Variants in ANKS1B observed in about 807,000 individuals in gnomAD.
The protein encoded by ANKS1B is ankyrin repeat and sterile alpha motif domain containing 1B.
ANKS1B carries 36 observed loss-of-function variants against 148.3 expected under a neutral mutation model. That is an observed-to-expected ratio of 0.24 (90% CI 0.19 to 0.32). ANKS1B has a LOEUF of 0.32. Ranked by LOEUF, ANKS1B falls within the 10% of genes least tolerant of loss-of-function variation. The pLI is 1.00. For synonymous variants in ANKS1B, 542 were observed against 560.8 expected (o/e 0.97, Z 0.47); for missense variants, 1,157 against 1,542.6 (o/e 0.75, Z 4.19).
intron 8 of ANKS1B, among the ~76,000 whole-genome samples, chr12:99,660,378 T>TG (rs2098471075): frequency 2.7e-5 from 4 of 149,672 alleles, no homozygotes; most frequent in Admixed American, 2.7e-4. Context: ...TTTTTTTTTT[T>TG]TTTGAGGTGG....
chr12:99,782,755 C>A (rs1365758906), intron 4 of ANKS1B, among the ~76,000 whole-genome samples: 1 of 152,114 alleles, frequency 6.6e-6, no homozygotes, highest in Non-Finnish European at 1.5e-5. Flanking sequence ...GATGGATATT[C>A]TGAGGTATGG....
At chr12:99,946,887 C>T (rs570521358) in intron 1 of ANKS1B, among the ~76,000 whole-genome samples, 1 of 152,270 alleles carries the variant, frequency 6.6e-6, no homozygotes, top group African/African-American at 2.4e-5. Flanking sequence ...CAACAATCTG[C>T]AACATGCAGA....
chr12:99,301,222 G>A (rs2081555390), intron 12 of ANKS1B, among the ~76,000 whole-genome samples: 1 of 152,172 alleles, frequency 6.6e-6, no homozygotes, highest in Non-Finnish European at 1.5e-5. Flanking sequence ...ACTGGTGAGG[G>A]CAGATTGTCT....
chr12:98,861,055 G>C (rs1218116605), intron 17 of ANKS1B, among the ~76,000 whole-genome samples: 1 of 152,130 alleles, frequency 6.6e-6, no homozygotes, highest in East Asian at 1.9e-4. Context: ...TAAAATGAAA[G>C]ACTCAAAAAT....
intron 12 of ANKS1B, among the ~76,000 whole-genome samples, chr12:99,393,067 A>G (rs2094128689): frequency 1.3e-5 from 2 of 151,600 alleles, no homozygotes; most frequent in African/African-American, 4.9e-5. Flanking sequence ...ATATATGTAG[A>G]TAGATTGATA....
At chr12:99,769,350 G>C (rs1401088783) in intron 8 of ANKS1B, among the ~76,000 whole-genome samples, 4 of 152,110 alleles carry the variant, frequency 2.6e-5, no homozygotes, top group Non-Finnish European at 5.9e-5. Context: ...GTCTGGACTG[G>C]TATCTGAGGG....
intron 17 of ANKS1B, among the ~76,000 whole-genome samples, chr12:98,960,216 G>A (rs918397207): frequency 2.0e-5 from 3 of 152,196 alleles, no homozygotes; most frequent in Non-Finnish European, 4.4e-5. Flanking sequence ...ACCTAGCACA[G>A]TCCCAAGGGC....
chr12:98,893,353 G>A (rs1371898630), intron 17 of ANKS1B, among the ~76,000 whole-genome samples: 1 of 152,152 alleles, frequency 6.6e-6, no homozygotes, highest in Non-Finnish European at 1.5e-5. Context: ...GATACCAGCG[G>A]CATCCCCTTG....
chr12:98,922,799 C>T (rs1023225971), intron 17 of ANKS1B, among the ~76,000 whole-genome samples: 1 of 152,072 alleles, frequency 6.6e-6, no homozygotes, highest in African/African-American at 2.4e-5. Flanking sequence ...GTGCCTGGCT[C>T]TTAAGGGCTT....
At position 98,745,399 on chromosome 12, in the gene ANKS1B, T is replaced by TA; in HGVS notation, c.*339dup. 1 of 919,326 alleles carries TA rather than the reference T, an allele frequency of 1.1e-6. No individual in the cohort carries two copies. Among genetic ancestry groups the TA allele is most frequent in the Non-Finnish European group, 1.3e-6 (1 of 782,534 alleles). 56.9% of individuals were successfully genotyped at this position (919,326 alleles called of 1,614,324 possible). On this transcript the variant is annotated 3_prime_UTR_variant, in exon 27 of 27. Transcript: ENST00000683438. ...ACTTTTTTTTTTTTTTTTTTTTTTT[T>TA]AAAGAAAAGGTATTATTTTCCCCAA... is the stretch of plus-strand genomic sequence containing the variant.
At chr12:99,438,078 A>G (rs1229068091) in intron 11 of ANKS1B, among the ~76,000 whole-genome samples, 4 of 151,692 alleles carry the variant, frequency 2.6e-5, no homozygotes, top group African/African-American at 7.3e-5. Flanking sequence ...TTTTCTTTAT[A>G]TCCACAGTAA....
chr12:99,699,010 T>C (rs1043359231), intron 8 of ANKS1B, among the ~76,000 whole-genome samples: 1 of 152,068 alleles, frequency 6.6e-6, no homozygotes, highest in Non-Finnish European at 1.5e-5. Context: ...GTGCGTGCTC[T>C]TTATTAGCTC....
At chr12:99,025,080 A>G (rs2099947990) in intron 17 of ANKS1B, among the ~76,000 whole-genome samples, 1 of 152,150 alleles carries the variant, frequency 6.6e-6, no homozygotes, top group Admixed American at 6.6e-5. Flanking sequence ...CCCCCTCTCT[A>G]GAACCTGTGA....
At chr12:99,062,378 G>A (rs1037149707) in intron 16 of ANKS1B, among the ~76,000 whole-genome samples, 49 of 152,272 alleles carry the variant, frequency 3.2e-4, no homozygotes, top group South Asian at 6.2e-4. Flanking sequence ...AGGTAGGACT[G>A]CAGAGGTGAC....
At chr12:99,344,258 A>G (rs1034502015) in intron 12 of ANKS1B, among the ~76,000 whole-genome samples, 5 of 151,834 alleles carry the variant, frequency 3.3e-5, no homozygotes, top group Admixed American at 1.3e-4. Flanking sequence ...CTTTCTTCCT[A>G]TTATTTGTTG....
At chr12:99,314,670 T>C (rs1302856213) in intron 12 of ANKS1B, among the ~76,000 whole-genome samples, 1 of 152,002 alleles carries the variant, frequency 6.6e-6, no homozygotes, top group Non-Finnish European at 1.5e-5. Context: ...AATAGGGAAA[T>C]GATTTCCTAT....
intron 16 of ANKS1B, among the ~76,000 whole-genome samples, chr12:99,063,545 A>G (rs1209667818): frequency 6.6e-6 from 1 of 152,218 alleles, no homozygotes; most frequent in Non-Finnish European, 1.5e-5. Flanking sequence ...CCCCAGAAAA[A>G]AGTCTACCTA....
chr12:99,836,509 C>A (rs970270879), intron 1 of ANKS1B, among the ~76,000 whole-genome samples: 2 of 151,862 alleles, frequency 1.3e-5, no homozygotes, highest in African/African-American at 4.8e-5. Context: ...CCAGCAAATG[C>A]GAATTGAATG....
chr12:98,749,366 CAA>C (rs2098008685), intron 26 of ANKS1B, among the ~76,000 whole-genome samples: 1 of 152,104 alleles, frequency 6.6e-6, no homozygotes, highest in East Asian at 1.9e-4. Context: ...TTCGGACTCC[CAA>C]AGTGCTGGGA....
Sources: allele counts gnomAD v4.1 joint callset (sites outside exome capture counted in the v4.1 genomes callset), GRCh38; gene constraint gnomAD v4.1.1; transcripts MANE v1.5; gene names NCBI Gene and HGNC (gene_info 2026-07-23, HGNC 2026-07-21).